Variants in AP5Z1 observed in about 807,000 individuals in gnomAD.
AP5Z1 encodes the protein AP-5 complex subunit zeta-1.
Under a neutral mutation model 83.0 loss-of-function variants are expected in AP5Z1, and 106 were observed. That is an observed-to-expected ratio of 1.28 (90% CI 1.09 to 1.50). The LOEUF is 1.50. AP5Z1 is among the 40% of genes most tolerant of loss of function. The pLI is 0.00. For synonymous variants in AP5Z1, 751 were observed against 514.1 expected, an observed-to-expected ratio of 1.46 and a Z score of -6.23; for missense variants, 1,565 against 1,094.2, an observed-to-expected ratio of 1.43 and a Z score of -6.07.
At chr7:4,786,614 C>T (rs952046060) in intron 10 of AP5Z1, among the ~76,000 whole-genome samples, 186 bp downstream of exon 10, 1 of 152,102 alleles carries the variant, frequency 6.6e-6, no homozygotes, top group South Asian at 2.1e-4. Context: ...ACGTGATTGA[C>T]GGTGCTGTCC....
Position 4,787,882 on chromosome 7 carries a change from T to G in AP5Z1, c.1454+106T>G, listed in dbSNP as rs535649358. On this transcript the variant is annotated intron_variant, in intron 11 of 16. Transcript: ENST00000649063. ...ACCCCTACACCGGGGACCCTCCTTC[T>G]TCCCCCCCCAACACCTGACCAGTCC... The G allele has an allele frequency of 3.7e-6, 5 of 1,348,218 alleles. No homozygotes were observed. The African/African-American group carries it at 5.9e-5, about 16-fold the overall frequency. The allele number at this position is 1,348,218 out of a possible 1,614,324, so 83.5% of individuals were successfully genotyped here.
intron 6 of AP5Z1, among the ~76,000 whole-genome samples, chr7:4,784,689 T>C (rs1278813104): frequency 6.6e-6 from 1 of 152,152 alleles, no homozygotes; most frequent in Non-Finnish European, 1.5e-5. Context: ...TCCTCCCGGC[T>C]GCTCTGTGGA....
chr7:4,781,169 GTT>G lies in AP5Z1; in HGVS notation c.42-4_42-3del. 1 of 1,613,762 alleles carries G rather than the reference GTT, an allele frequency of 6.2e-7. No homozygotes were observed. Among genetic ancestry groups the G allele is most frequent in the Non-Finnish European group, 8.5e-7 (1 of 1,179,748 alleles). Reference sequence around the variant, plus strand: ...TCTGGGTCCTGAAGTCCTCTTCTTTGTTTAGGGAGATCCAGGACGAGGAGCTG... The same window carrying G: ...TCTGGGTCCTGAAGTCCTCTTCTTTGTAGGGAGATCCAGGACGAGGAGCTG... On this transcript the variant is annotated splice_region_variant and splice_polypyrimidine_tract_variant and intron_variant, in intron 1 of 16. Transcript: ENST00000649063.
chr7:4,778,301 A>C lies in AP5Z1; in HGVS notation c.41+2545A>C, dbSNP rs183811959. 7.7e-3 allele frequency among the ~76,000 whole-genome samples: 1,179 copies of C among 152,298 alleles called. 7 individuals are homozygous for C. The highest frequency in any genetic ancestry group is 0.012 in the Non-Finnish European group (803 of 68,018). ...TCAGAGATACGGAAAGCAAGGGTGCAAAAAGTGATCAAAGATAGCGCTGCA... is the reference window on the plus strand; with the variant it reads ...TCAGAGATACGGAAAGCAAGGGTGCCAAAAGTGATCAAAGATAGCGCTGCA... On this transcript the variant is annotated intron_variant, in intron 1 of 16. Transcript: ENST00000649063.
At chr7:4,784,778 C>T (rs961508414) in intron 6 of AP5Z1, 130 bp from the exon 7 acceptor site, 243 of 1,279,840 alleles carry the variant, frequency 1.9e-4, no homozygotes, top group Non-Finnish European at 2.2e-4. Context: ...CGTCCTGAGA[C>T]GGTGACGCCT....
intron 4 of AP5Z1, 25 bp from the exon 5 acceptor site, chr7:4,783,664 C>A: frequency 1.3e-6 from 2 of 1,543,362 alleles, no homozygotes. Context: ...AACCTCACCT[C>A]CCCATGCCAC....
intron 5 of AP5Z1, 114 bp from the exon 6 acceptor site, chr7:4,784,089 C>T (rs1781462944): frequency 7.6e-7 from 1 of 1,314,310 alleles, no homozygotes; most frequent in Non-Finnish European, 1.0e-6. Context: ...CGGGCCGCTG[C>T]CCGGGCTCAT....
Position 4,786,553 on chromosome 7 carries a change from G to A in AP5Z1, c.1311+125G>A, listed in dbSNP as rs973450216. 1.0e-5 allele frequency: 11 copies of A among 1,104,010 alleles called. No individual in the cohort carries two copies. In the African/African-American group the frequency reaches 1.6e-4, roughly 16 times the overall value. 68.4% of individuals were successfully genotyped at this position (1,104,010 alleles called of 1,614,324 possible). On this transcript the variant is annotated intron_variant, in intron 10 of 16. Transcript: ENST00000649063. ...ATAGAGCCCTGTGAGTCCCGGGCCT[G>A]GAATGCGGTGTGCAGGGTGAGGTGG...
At position 4,781,703 on chromosome 7, in the gene AP5Z1, C is replaced by T. The variant is rs1383552119; in HGVS notation, c.315C>T (p.His105=). The T allele has an allele frequency of 1.2e-5, 19 of 1,586,386 alleles. No homozygotes were observed. Among genetic ancestry groups the T allele is most frequent in the Non-Finnish European group, 1.5e-5 (17 of 1,158,242 alleles). Residue 105 remains histidine (H), a synonymous_variant, in exon 3 of 17, where the codon CAC becomes CAT. Transcript: ENST00000649063. ...PSDSLSLAWD[H]TQNSRQLSLV... ...ACAGCCTCAGCCTGGCCTGGGACCA[C>T]ACGCAGAACAGCCGGCAGCTGAGCC...
rs1430133108 is a variant in AP5Z1 at position 4,783,388 on chromosome 7, G to A, written c.439G>A (p.Gly147Arg). The A allele has an allele frequency of 6.2e-7, 1 of 1,613,258 alleles. No homozygotes were observed. Among genetic ancestry groups the A allele is most frequent in the South Asian group, 1.1e-5 (1 of 91,076 alleles). Residue 147 changes from glycine (G) to arginine (R), a missense_variant, in exon 4 of 17, where the codon GGA (glycine) becomes AGA (arginine). Gly to Arg is a moderately radical substitution (Grantham distance 125). Transcript: ENST00000649063. ...AGCGCTGGAGAGCCGGCAGCCTGAG[G>A]GACCCAGCCTCAGACACCTCCTCCC... ...LRALESRQPE[G>R]PSLRHLLPVM...
chr7:4,789,971 C>T, intron 14 of AP5Z1, 42 bp downstream of exon 14: 1 of 1,445,076 alleles, frequency 6.9e-7, no homozygotes. Flanking sequence ...TGGGCGGGTG[C>T]CTCCTGGACT....
At chr7:4,787,853 C>A in intron 11 of AP5Z1, 77 bp downstream of exon 11, 2 of 1,457,860 alleles carry the variant, frequency 1.4e-6, no homozygotes, top group Non-Finnish European at 1.8e-6. Context: ...CCTCGCTGCT[C>A]CTGACCCCTA....
chr7:4,788,045 A>C (rs1372494905), intron 11 of AP5Z1, 109 bp from the exon 12 acceptor site: 2 of 1,421,002 alleles, frequency 1.4e-6, no homozygotes, highest in East Asian at 2.5e-5. Flanking sequence ...CCTTCCTGGC[A>C]CCCGAGGTGC....
chr7:4,784,252 C>A lies in AP5Z1; in HGVS notation c.671C>A (p.Thr224Lys), dbSNP rs201862383. The A allele has an allele frequency of 1.3e-6, 2 of 1,590,636 alleles. No homozygotes were observed. Among genetic ancestry groups the A allele is most frequent in the African/African-American group, 2.7e-5 (2 of 74,404 alleles). Residue 224 changes from threonine to lysine, a missense_variant, in exon 6 of 17, where the codon ACG (threonine) becomes AAG (lysine). Physicochemically the swap from Thr to Lys is moderately conservative, Grantham distance 78. Coordinates refer to ENST00000649063, the MANE Select transcript of AP5Z1 (RefSeq NM_014855.3). The part of the protein sequence containing the change: ...VDGAVATDFF[T>K]VLSSGHRFTD... Reference sequence around the variant, plus strand: ...GGGGCGGTAGCCACAGACTTCTTCACGGTGCTCTCCAGCGGCCACCGCTTC... The same window carrying A: ...GGGGCGGTAGCCACAGACTTCTTCAAGGTGCTCTCCAGCGGCCACCGCTTC...
intron 1 of AP5Z1, among the ~76,000 whole-genome samples, chr7:4,780,639 G>T (rs750984008): frequency 1.3e-5 from 2 of 152,282 alleles, no homozygotes; most frequent in East Asian, 3.9e-4. Flanking sequence ...GGTGGTGGGT[G>T]CCTGTAATCC....
At chr7:4,776,562 C>CA (rs55916241) in intron 1 of AP5Z1, among the ~76,000 whole-genome samples, 2,768 of 82,252 alleles carry the variant, frequency 0.034, 46 homozygotes, top group East Asian at 0.12. Flanking sequence ...ACTGAAAATA[C>CA]AAAAAAAAAA....
In AP5Z1 at chr7:4,781,265, C is replaced by A. The variant is rs1197492714; in HGVS notation, c.132C>A (p.Ser44=). ...AEDLGPDTLD[S]LQRLFLIISA... is the part of the protein sequence containing the mutation. ...ACTTGGGGCCGGACACCCTCGACTCCCTGCAGAGGCTCTTCCTCATCATCT... is the reference window on the plus strand; with the variant it reads ...ACTTGGGGCCGGACACCCTCGACTCACTGCAGAGGCTCTTCCTCATCATCT... Residue 44 remains serine (S), a synonymous_variant, in exon 2 of 17, where the codon TCC becomes TCA. Transcript: ENST00000649063. 3 of 1,613,692 alleles carry A rather than the reference C, an allele frequency of 1.9e-6. No individual in the cohort carries two copies. Among genetic ancestry groups the A allele is most frequent in the Non-Finnish European group, 2.5e-6 (3 of 1,179,808 alleles).
At chr7:4,785,724 T>G in intron 9 of AP5Z1, 40 bp downstream of exon 9, 2 of 1,425,704 alleles carry the variant, frequency 1.4e-6, no homozygotes. Context: ...GGGGCTCTGC[T>G]TCTGCCTTTA....
chr7:4,790,974 T>C (rs1329610330), intron 16 of AP5Z1, 87 bp downstream of exon 16: 2 of 1,482,198 alleles, frequency 1.3e-6, no homozygotes, highest in Admixed American at 2.2e-5. Flanking sequence ...TGTTGTGAAA[T>C]GGTCGCAGCA....
Sources: allele counts gnomAD v4.1 joint callset (sites outside exome capture counted in the v4.1 genomes callset), GRCh38; gene constraint gnomAD v4.1.1; transcripts MANE v1.5; gene names NCBI Gene and HGNC (gene_info 2026-07-23, HGNC 2026-07-21).